The following CFAP251 variants were observed in gnomAD, a reference collection of about 807,000 sequenced individuals.
The protein encoded by CFAP251 is cilia- and flagella-associated protein 251.
Under a neutral mutation model 126.7 loss-of-function variants are expected in CFAP251, and 93 were observed. The ratio of observed to expected loss-of-function variants is 0.73; its 90% CI spans 0.62 to 0.87. CFAP251 has a LOEUF of 0.87. Among genes scored for constraint, CFAP251 ranks in the 40% least tolerant of loss-of-function variants. The pLI, the probability that CFAP251 is intolerant of heterozygous loss-of-function variation, is 0.00. For synonymous variants in CFAP251, 503 were observed against 506.9 expected (o/e 0.99, Z 0.10); for missense variants, 1,287 against 1,389.2 (o/e 0.93, Z 1.17).
chr12:121,949,980 A>G (rs1881463089), intron 8 of CFAP251: 1 of 152,238 alleles, frequency 6.6e-6, no homozygotes, highest in Non-Finnish European at 1.5e-5. Flanking sequence ...GGTAAGATGT[A>G]AAAGAATTGA....
chr12:121,986,371 C>T (rs1159968003), intron 19 of CFAP251, among the ~76,000 whole-genome samples: 2 of 151,044 alleles, frequency 1.3e-5, no homozygotes, highest in African/African-American at 4.9e-5. Flanking sequence ...GATCTCAGCT[C>T]ACTGCAAGCT....
At chr12:121,940,663 G>A (rs974259177) in intron 5 of CFAP251, among the ~76,000 whole-genome samples, 1 of 152,166 alleles carries the variant, frequency 6.6e-6, no homozygotes, top group East Asian at 1.9e-4. Context: ...TTCCATCTTC[G>A]CTTCCACTGC....
chr12:122,000,059 G>A, intron 20 of CFAP251, 115 bp downstream of exon 20: 1 of 995,112 alleles, frequency 1.0e-6, no homozygotes, highest in Non-Finnish European at 1.5e-6. Flanking sequence ...GAGGTGATTT[G>A]ACCAGATTTG....
intron 15 of CFAP251, among the ~76,000 whole-genome samples, chr12:121,964,145 TTTG>T (rs10581852): frequency 0.62 from 92,629 of 149,754 alleles, 33,139 homozygotes; most frequent in Non-Finnish European, 0.81. Context: ...CCACCCGGGA[TTTG>T]TTGTTGTTGT....
chr12:121,968,978 C>A, intron 17 of CFAP251: 2 of 985,398 alleles, frequency 2.0e-6, no homozygotes, highest in African/African-American at 3.5e-5. Context: ...CATGCTGCCG[C>A]AGGGCAGAGT....
intron 13 of CFAP251, 142 bp downstream of exon 13, chr12:121,959,236 A>G: frequency 2.3e-6 from 2 of 884,818 alleles, no homozygotes. Context: ...CAGGAATTCA[A>G]GACCAGCCTA....
In CFAP251 at chr12:121,954,225, C is replaced by T. The variant is rs1462310690; in HGVS notation, c.1426C>T (p.His476Tyr). 2 of 1,614,172 alleles carry T rather than the reference C, an allele frequency of 1.2e-6. No homozygotes were observed. The highest frequency in any genetic ancestry group is 1.7e-6 in the Non-Finnish European group (2 of 1,180,020). The change falls in exon 10 of 22, where the codon CAC becomes TAC. Residue 476 changes from histidine (H) to tyrosine (Y), a missense_variant. Physicochemically the swap from His to Tyr is moderately conservative, Grantham distance 83. Coordinates refer to ENST00000288912, the MANE Select transcript of CFAP251 (RefSeq NM_144668.6). Reference sequence around the variant, plus strand: ...AGGGAAGCTGGTTGTCTGGGACATACACCGCCCACCCTCATCTGCCTCCAC... The same window carrying T: ...AGGGAAGCTGGTTGTCTGGGACATATACCGCCCACCCTCATCTGCCTCCAC... ...MEGKLVVWDIHRPPSSASTFL... is the reference protein window; with the variant it reads ...MEGKLVVWDIYRPPSSASTFL...
intron 17 of CFAP251, among the ~76,000 whole-genome samples, chr12:121,970,941 C>T (rs1199694203): frequency 6.6e-6 from 1 of 152,208 alleles, no homozygotes; most frequent in Non-Finnish European, 1.5e-5. Flanking sequence ...AATGCCAGTA[C>T]AGCCCCCTGG....
At chr12:121,969,145 C>G (rs1882250699) in intron 17 of CFAP251, 8 of 985,470 alleles carry the variant, frequency 8.1e-6, no homozygotes, top group Non-Finnish European at 9.6e-6. Context: ...TTCCTGGCTG[C>G]CAGCACAGTG....
chr12:121,957,730 A>T (rs1458124031), intron 11 of CFAP251, among the ~76,000 whole-genome samples: 1 of 149,698 alleles, frequency 6.7e-6, no homozygotes, highest in African/African-American at 2.5e-5. Flanking sequence ...AAAATTAATG[A>T]AACATGACTT....
chr12:121,970,993 G>A (rs1388684291), intron 17 of CFAP251, among the ~76,000 whole-genome samples: 1 of 152,232 alleles, frequency 6.6e-6, no homozygotes, highest in African/African-American at 2.4e-5. Context: ...GGTAGGGGAT[G>A]TAGGGGAGCT....
At position 121,942,637 on chromosome 12, in the gene CFAP251, G is replaced by A; in HGVS notation, c.1102G>A (p.Glu368Lys). 6.2e-7 allele frequency: 1 copy of A among 1,611,988 alleles called. No homozygotes were observed. ...AKYLATISDA[E>K]VQKVCIWKWT... ...GTATCTGGCAACCATCTCAGATGCTGAAGTCCAGGTAAAGGCCCTGGCCCT... is the reference window on the plus strand; with the variant it reads ...GTATCTGGCAACCATCTCAGATGCTAAAGTCCAGGTAAAGGCCCTGGCCCT... Residue 368 changes from glutamate to lysine, a missense_variant, in exon 6 of 22, where the codon GAA (glutamate) becomes AAA (lysine). Coordinates refer to ENST00000288912, the MANE Select transcript of CFAP251 (RefSeq NM_144668.6).
intron 7 of CFAP251, among the ~76,000 whole-genome samples, chr12:121,947,252 G>A (rs1881357478): frequency 6.6e-6 from 1 of 151,982 alleles, no homozygotes; most frequent in Non-Finnish European, 1.5e-5. Context: ...TGTCTATTAA[G>A]CATTTTAAAT....
chr12:121,986,421 C>T (rs1882748454), intron 19 of CFAP251, among the ~76,000 whole-genome samples: 1 of 151,762 alleles, frequency 6.6e-6, no homozygotes, highest in African/African-American at 2.4e-5. Context: ...CCTCAGCCTC[C>T]TGAGTAGCTG....
At chr12:121,968,548 CCTGCCCTGAATGGAGAACCT>C (rs1882229106) in intron 17 of CFAP251, among the ~76,000 whole-genome samples, 1 of 152,170 alleles carries the variant, frequency 6.6e-6, no homozygotes, top group African/African-American at 2.4e-5. Context: ...TCTCACCCTC[CCTGCCCTGAATGGAGAACCT>C]CTGCCTGAGG....
chr12:121,977,261 G>A (rs1882483323), intron 19 of CFAP251, among the ~76,000 whole-genome samples: 1 of 152,218 alleles, frequency 6.6e-6, no homozygotes, highest in African/African-American at 2.4e-5. Context: ...AAAAGGTACA[G>A]TAAAAATATA....
rs1226012277 is a variant in CFAP251, at chr12:121,944,600, G to A, written c.1191+1625G>A. On this transcript the variant is annotated intron_variant, in intron 7 of 21. Transcript: ENST00000288912. ...TTCCAGAGTTCAAGTCTTCACCTCC[G>A]GTTAAATTTATTCCTAAGGATTTTG... is the stretch of plus-strand genomic sequence containing the variant. Among the ~76,000 whole-genome samples, 6 of 151,944 alleles carry A rather than the reference G, an allele frequency of 3.9e-5. No homozygotes were observed. The East Asian group carries it at 9.6e-4, about 24-fold the overall frequency.
At chr12:121,950,794 G>A (rs951868868) in intron 8 of CFAP251, 3 of 151,870 alleles carry the variant, frequency 2.0e-5, no homozygotes, top group Admixed American at 2.0e-4. Flanking sequence ...CTAACCTCAA[G>A]TGATCTGCCC....
chr12:121,992,112 C>A, intron 19 of CFAP251: 1 of 690,890 alleles, frequency 1.4e-6, no homozygotes. Flanking sequence ...AAAGGCCAGG[C>A]TGACTGACAA....
Sources: gnomAD v4.1 joint callset for allele counts (sites outside exome capture counted in the v4.1 genomes callset) on GRCh38, gnomAD v4.1.1 for gene constraint, MANE v1.5 for transcripts, NCBI Gene and HGNC (gene_info 2026-07-23, HGNC 2026-07-21) for gene names.